RYR3: variants seen among roughly 807,000 people sequenced by gnomAD.
RYR3 encodes ryanodine receptor 3.
RYR3 carries 207 observed loss-of-function variants against 584.3 expected under a neutral mutation model. The observed-to-expected ratio is 0.35, with a 90% CI of 0.32 to 0.40. RYR3 has a LOEUF of 0.40. RYR3 is among the 10% of genes least tolerant of loss of function. RYR3 has a pLI of 1.00. For missense variants in RYR3, 5,616 were observed against 6,089.2 expected, an observed-to-expected ratio of 0.92 and a Z score of 2.59; for synonymous variants, 2,416 against 2,248.5, an observed-to-expected ratio of 1.07 and a Z score of -2.11.
At chr15:33,598,246 C>CAAAAAAAAAAAAA (rs35785154) in intron 16 of RYR3, among the ~76,000 whole-genome samples, 18 of 74,292 alleles carry the variant, frequency 2.4e-4, no homozygotes, top group East Asian at 4.7e-4. Flanking sequence ...AAAAATTGCT[C>CAAAAAAAAAAAAA]AAAAAAAAAA....
intron 63 of RYR3, 138 bp from the exon 64 acceptor site, chr15:33,773,396 A>T: frequency 1.5e-6 from 1 of 663,298 alleles, no homozygotes; most frequent in Non-Finnish European, 2.6e-6. Flanking sequence ...CTGGGTAGAA[A>T]AGGGATATGT....
chr15:33,500,890 C>A (rs1567382346), intron 2 of RYR3, among the ~76,000 whole-genome samples: 1 of 152,180 alleles, frequency 6.6e-6, no homozygotes, highest in Non-Finnish European at 1.5e-5. Flanking sequence ...GTGCTCCATT[C>A]ATGTCACAAG....
rs1567277939 is a variant in RYR3, at chr15:33,835,003, C to T, written c.11499C>T (p.His3833=). 1 of 1,614,026 alleles carries T rather than the reference C, an allele frequency of 6.2e-7. No individual in the cohort carries two copies. The highest frequency in any genetic ancestry group is 8.5e-7 in the Non-Finnish European group (1 of 1,179,878). Residue 3833 remains histidine (H), a synonymous_variant, in exon 87 of 104, where the codon CAC becomes CAT. Coordinates refer to ENST00000634891, the MANE Select transcript of RYR3 (RefSeq NM_001036.6). ...TTGGTAATCAACAGAGCCTGGCTCA[C>T]AGCAGGCTGTGGGACGCAGTGGTTG... ...PCIGNQQSLA[H]SRLWDAVVGF...
At chr15:33,427,794 TAGTC>T (rs1596086812) in intron 1 of RYR3, among the ~76,000 whole-genome samples, 1 of 152,222 alleles carries the variant, frequency 6.6e-6, no homozygotes, top group African/African-American at 2.4e-5. Context: ...TGGAGTCTAT[TAGTC>T]AGACACTAAA....
At chr15:33,573,586 A>T (rs2058145858) in intron 12 of RYR3, among the ~76,000 whole-genome samples, 1 of 152,250 alleles carries the variant, frequency 6.6e-6, no homozygotes, top group Non-Finnish European at 1.5e-5. Context: ...CTCTAAGTTT[A>T]ACCTTAGAAG....
At chr15:33,836,647 C>T (rs952828116) in intron 87 of RYR3, among the ~76,000 whole-genome samples, 1 of 152,184 alleles carries the variant, frequency 6.6e-6, no homozygotes, top group Middle Eastern at 3.2e-3. Context: ...TTTTGGACAA[C>T]ACTTGGTATA....
At chr15:33,387,808 T>G (rs1241385994) in intron 1 of RYR3, among the ~76,000 whole-genome samples, 1 of 152,104 alleles carries the variant, frequency 6.6e-6, no homozygotes, top group African/African-American at 2.4e-5. Flanking sequence ...GTATAATGTT[T>G]TTTAAAGTAC....
chr15:33,419,941 C>T, intron 1 of RYR3, among the ~76,000 whole-genome samples: 1 of 152,152 alleles, frequency 6.6e-6, no homozygotes, highest in East Asian at 1.9e-4. Flanking sequence ...GAATATATGC[C>T]AAGCACACTT....
At chr15:33,376,103 T>C (rs2040719619) in intron 1 of RYR3, among the ~76,000 whole-genome samples, 1 of 152,082 alleles carries the variant, frequency 6.6e-6, no homozygotes, top group Non-Finnish European at 1.5e-5. Flanking sequence ...AAACCCAAGT[T>C]TCTTCTTGTC....
At position 33,854,719 on chromosome 15, in the gene RYR3, C is replaced by G. The variant is rs747475710; in HGVS notation, c.13861-47C>G. The G allele has an allele frequency of 3.2e-6, 5 of 1,567,660 alleles. No homozygotes were observed. The African/African-American group carries it at 5.5e-5, about 17-fold the overall frequency. On this transcript the variant is annotated intron_variant, in intron 97 of 103. Transcript: ENST00000634891. ...AAGAAAAAATGTTTTATAATGAGCA[C>G]ACTATGAGGCAAACATGCTTAAAAG...
chr15:33,552,831 T>A (rs538108446), intron 10 of RYR3, among the ~76,000 whole-genome samples: 8 of 152,314 alleles, frequency 5.3e-5, no homozygotes, highest in African/African-American at 1.9e-4. Flanking sequence ...TTCCTGGGCT[T>A]CCATGTGCCT....
At chr15:33,520,721 T>C (rs893020084) in intron 3 of RYR3, among the ~76,000 whole-genome samples, 5 of 147,746 alleles carry the variant, frequency 3.4e-5, no homozygotes, top group African/African-American at 1.3e-4. Context: ...ATAAGAAACA[T>C]GTGTTAGGGT....
chr15:33,322,625 G>A (rs993971600), intron 1 of RYR3, among the ~76,000 whole-genome samples: 1 of 152,054 alleles, frequency 6.6e-6, no homozygotes, highest in African/African-American at 2.4e-5. Context: ...ATTTATTTTT[G>A]TACATACATT....
chr15:33,541,194 AT>A (rs2141153233), intron 7 of RYR3, among the ~76,000 whole-genome samples: 1 of 151,686 alleles, frequency 6.6e-6, no homozygotes, highest in East Asian at 1.9e-4. Flanking sequence ...CCACAATTTT[AT>A]TTTTGCTTAC....
At chr15:33,813,038 T>A in intron 73 of RYR3, 44 bp downstream of exon 73, 1 of 1,611,358 alleles carries the variant, frequency 6.2e-7, no homozygotes, top group Non-Finnish European at 8.5e-7. Context: ...AGAAACACCC[T>A]GGACCATACA....
At chr15:33,416,610 G>C (rs1218385007) in intron 1 of RYR3, among the ~76,000 whole-genome samples, 1 of 152,018 alleles carries the variant, frequency 6.6e-6, no homozygotes, top group Non-Finnish European at 1.5e-5. Context: ...TGCACAGTTT[G>C]CAAATATATT....
intron 98 of RYR3, chr15:33,856,647 G>GTTTTTT: frequency 6.5e-6 from 1 of 154,022 alleles, no homozygotes; most frequent in African/African-American, 2.4e-5. Context: ...GAACCTTTGG[G>GTTTTTT]TTTTTTGTTT....
intron 28 of RYR3, 174 bp from the exon 29 acceptor site, chr15:33,646,177 C>G (rs189169494): frequency 9.7e-5 from 53 of 545,646 alleles, no homozygotes; most frequent in African/African-American, 8.0e-4. Context: ...TCTGTTTCTT[C>G]CTACGGGACA....
chr15:33,862,541 T>C (rs1888682552), intron 102 of RYR3, among the ~76,000 whole-genome samples: 1 of 152,162 alleles, frequency 6.6e-6, no homozygotes, highest in Admixed American at 6.5e-5. Context: ...GGCTCAGCCT[T>C]TGGAGAAGGC....
Sources: gnomAD v4.1 joint callset for allele counts (sites outside exome capture counted in the v4.1 genomes callset) on GRCh38, gnomAD v4.1.1 for gene constraint, MANE v1.5 for transcripts, NCBI Gene and HGNC (gene_info 2026-07-23, HGNC 2026-07-21) for gene names.